PPP1R8: variants seen among roughly 807,000 people sequenced by gnomAD.
PPP1R8 encodes nuclear inhibitor of protein phosphatase 1.
In PPP1R8, 4 loss-of-function variants were observed where a neutral mutation model predicts 31.3. The observed-to-expected ratio is 0.13, with a 90% CI of 0.06 to 0.29. The LOEUF (loss-of-function observed/expected upper bound fraction) is 0.29. Among genes scored for constraint, PPP1R8 ranks in the 10% least tolerant of loss-of-function variants. The pLI, the probability that PPP1R8 is intolerant of heterozygous loss-of-function variation, is 1.00. For missense variants in PPP1R8, 254 were observed against 440.1 expected (o/e 0.58, Z 3.78); for synonymous variants, 170 against 169.7 (o/e 1.00, Z -0.01).
In PPP1R8 at chr1:27,841,109, G is replaced by T; in HGVS notation, c.367G>T (p.Ala123Ser). 6.2e-7 allele frequency: 1 copy of T among 1,614,208 alleles called. No homozygotes were observed. The change falls in exon 4 of 7, where the codon GCA becomes TCA. Residue 123 changes from alanine to serine, a missense_variant. By Grantham distance (99) the Ala-to-Ser change is moderately conservative (BLOSUM62 1). Transcript: ENST00000311772. ...GGTCTCATTTGGCGCATCCACAAGG[G>T]CATACACTCTGCGCGAGAAGCCTCA... ...STVSFGASTR[A>S]YTLREKPQTL...
chr1:27,842,629 G>A (rs530580415), intron 4 of PPP1R8, among the ~76,000 whole-genome samples: 5 of 152,286 alleles, frequency 3.3e-5, no homozygotes, highest in African/African-American at 1.2e-4. Context: ...TAATTATTGA[G>A]ATAGTTATGA....
At position 27,833,357 on chromosome 1, in the gene PPP1R8, G is replaced by A. The variant is rs189911665; in HGVS notation, c.117+541G>A. On this transcript the variant is annotated intron_variant, in intron 2 of 6. Transcript: ENST00000311772. ...TACTGTGCTTGGCATACAGATTGCA[G>A]CAGTAAGCAAAACCAACATAATTTC... 3.3e-3 allele frequency among the ~76,000 whole-genome samples: 505 copies of A among 152,266 alleles called. 4 individuals carry two copies. The highest frequency in any genetic ancestry group is 0.011 in the African/African-American group (477 of 41,550).
chr1:27,832,358 C>A (rs960837809), intron 1 of PPP1R8, among the ~76,000 whole-genome samples: 3 of 152,148 alleles, frequency 2.0e-5, no homozygotes, highest in East Asian at 3.8e-4. Flanking sequence ...TCTTGATGAG[C>A]CCCAAACAGC....
At position 27,846,232 on chromosome 1, in the gene PPP1R8, C is replaced by T. The variant is rs574510204; in HGVS notation, c.638-796C>T. On this transcript the variant is annotated intron_variant, in intron 5 of 6. Transcript: ENST00000311772. ...TCTAGTAGTGGTACATAAGTTGGTGCCTCTGCATGTTTCCACTCACATTCA... is the reference window on the plus strand; with the variant it reads ...TCTAGTAGTGGTACATAAGTTGGTGTCTCTGCATGTTTCCACTCACATTCA... Among the ~76,000 whole-genome samples the T allele has an allele frequency of 2.6e-5, 4 of 152,320 alleles. No homozygotes were observed. The South Asian group carries it at 8.3e-4, about 32-fold the overall frequency.
At chr1:27,836,708 G>A (rs1425171502) in intron 2 of PPP1R8, among the ~76,000 whole-genome samples, 1 of 151,748 alleles carries the variant, frequency 6.6e-6, no homozygotes, top group African/African-American at 2.4e-5. Context: ...TTGAGCCACC[G>A]CACCCGGCCA....
chr1:27,833,747 G>T (rs1349060677), intron 2 of PPP1R8, among the ~76,000 whole-genome samples: 2 of 152,108 alleles, frequency 1.3e-5, no homozygotes, highest in African/African-American at 4.8e-5. Flanking sequence ...TAATAAAAAT[G>T]TTGCAGTTCC....
At chr1:27,843,627 T>A (rs1358058046) in intron 5 of PPP1R8, among the ~76,000 whole-genome samples, 1 of 150,052 alleles carries the variant, frequency 6.7e-6, no homozygotes, top group Admixed American at 6.7e-5. Flanking sequence ...GCCATTGCAC[T>A]CCTGCCTAGG....
intron 2 of PPP1R8, among the ~76,000 whole-genome samples, chr1:27,835,056 G>A (rs2089149718): frequency 6.6e-6 from 1 of 152,060 alleles, no homozygotes; most frequent in Non-Finnish European, 1.5e-5. Context: ...TCTGTAATTG[G>A]GGTGCCTTTA....
In PPP1R8 at chr1:27,850,443, T is replaced by C; in HGVS notation, c.1053T>C (p.Ile351=). ...PGKKPTPSLL[I] ...AGAAGCCCACACCTTCCTTGCTGAT[T>C]TGATATTTTTGGTCATGGAGAAGGG... The change falls in exon 7 of 7, where the codon ATT becomes ATC. Residue 351 remains isoleucine (I), a synonymous_variant. Coordinates refer to ENST00000311772, the MANE Select transcript of PPP1R8 (RefSeq NM_014110.5). 6.3e-7 allele frequency: 1 copy of C among 1,588,622 alleles called. No homozygotes were observed. The highest frequency in any genetic ancestry group is 8.6e-7 in the Non-Finnish European group (1 of 1,163,612).
At chr1:27,832,936 ATT>A in intron 2 of PPP1R8, 120 bp downstream of exon 2, 1 of 762,848 alleles carries the variant, frequency 1.3e-6, no homozygotes, top group Non-Finnish European at 2.1e-6. Context: ...TTTCATCCTG[ATT>A]TTTTTTTTCT....
In PPP1R8 at chr1:27,841,009, C is replaced by G; in HGVS notation, c.272-5C>G. ...CCCTTACGTTTCTGATTTGGTTATT[C>G]CCAGCACACGGCACTTTCTTGGGTC... On this transcript the variant is annotated splice_region_variant and splice_polypyrimidine_tract_variant and intron_variant, in intron 3 of 6. Transcript: ENST00000311772. 6.2e-7 allele frequency: 1 copy of G among 1,613,976 alleles called. No individual in the cohort carries two copies. The highest frequency in any genetic ancestry group is 2.2e-5 in the East Asian group (1 of 44,882).
chr1:27,847,249 G>A (rs907346042), intron 6 of PPP1R8, among the ~76,000 whole-genome samples, 157 bp downstream of exon 6: 1 of 152,130 alleles, frequency 6.6e-6, no homozygotes, highest in African/African-American at 2.4e-5. Context: ...GCTCACACTT[G>A]TAATCCCAGC....
At chr1:27,841,368 C>T in intron 4 of PPP1R8, 134 bp downstream of exon 4, 2 of 888,882 alleles carry the variant, frequency 2.3e-6, no homozygotes, top group South Asian at 3.5e-5. Context: ...GGGCCTTTGG[C>T]AATCTGGTGT....
Position 27,841,250 on chromosome 1 carries a change from T to G in PPP1R8, c.492+16T>G. On this transcript the variant is annotated intron_variant, in intron 4 of 6. Transcript: ENST00000311772. ...TGAGCTTGATGTAATTCCCTGTTTA[T>G]GTCATTGTTTTGTCTTTGGGGACCC... The G allele has an allele frequency of 6.2e-7, 1 of 1,612,856 alleles. No individual in the cohort carries two copies. Among genetic ancestry groups the G allele is most frequent in the Non-Finnish European group, 8.5e-7 (1 of 1,179,362 alleles).
At chr1:27,837,707 G>A (rs1157802411) in intron 2 of PPP1R8, among the ~76,000 whole-genome samples, 1 of 149,706 alleles carries the variant, frequency 6.7e-6, no homozygotes, top group Non-Finnish European at 1.5e-5. Flanking sequence ...CCCGGGAGGC[G>A]GAGGTTGCAG....
In PPP1R8 at chr1:27,851,577, C is replaced by T; in HGVS notation, c.*1131C>T. ...TCTCTCAGTCACTGATTGCCACTGC[C>T]ATCTGGAAATGTTTGCTAAAGGCAC... On this transcript the variant is annotated 3_prime_UTR_variant, in exon 7 of 7. Transcript: ENST00000311772. 2.0e-6 allele frequency: 1 copy of T among 511,598 alleles called. No homozygotes were observed. Among genetic ancestry groups the T allele is most frequent in the Non-Finnish European group, 3.9e-6 (1 of 256,368 alleles). 31.7% of individuals were successfully genotyped at this position (511,598 alleles called of 1,614,324 possible).
intron 2 of PPP1R8, among the ~76,000 whole-genome samples, chr1:27,836,226 A>G (rs546429003): frequency 5.5e-4 from 83 of 152,208 alleles, no homozygotes; most frequent in Non-Finnish European, 9.7e-4. Flanking sequence ...TACCCAAATG[A>G]GAGTTATTCC....
intron 2 of PPP1R8, among the ~76,000 whole-genome samples, chr1:27,833,168 A>G (rs1362177581): frequency 6.6e-6 from 1 of 152,202 alleles, no homozygotes; most frequent in African/African-American, 2.4e-5. Context: ...AGTGAATGAT[A>G]TATATTGAGT....
Position 27,850,195 on chromosome 1 carries a change from C to T in PPP1R8, c.805C>T (p.Pro269Ser). ...FSGGLYGGLP[P>S]THSEAGSQPH... ...CGGAGGACTCTACGGGGGCCTGCCC[C>T]CCACACACAGTGAAGCAGGCTCCCA... The change falls in exon 7 of 7, where the codon CCC becomes TCC. Residue 269 changes from proline to serine, a missense_variant. This residue lies in a region of PPP1R8 where 105 missense variants were observed against 128.0 expected (regional missense o/e 0.82). Coordinates refer to ENST00000311772, the MANE Select transcript of PPP1R8 (RefSeq NM_014110.5). The T allele has an allele frequency of 6.2e-7, 1 of 1,614,176 alleles. No homozygotes were observed. Among genetic ancestry groups the T allele is most frequent in the Non-Finnish European group, 8.5e-7 (1 of 1,180,026 alleles).
Sources: gnomAD v4.1 joint callset for allele counts (sites outside exome capture counted in the v4.1 genomes callset) on GRCh38, gnomAD v4.1.1 for gene constraint, gnomAD v4.1.1 regional missense constraint, MANE v1.5 for transcripts, NCBI Gene and HGNC (gene_info 2026-07-23, HGNC 2026-07-21) for gene names.